Variants in CARMIL1 observed in about 807,000 individuals in gnomAD.
The protein encoded by CARMIL1 is capping protein regulator and myosin 1 linker 1, also known as F-actin-uncapping protein LRRC16A.
A neutral mutation model predicts 177.1 loss-of-function variants in CARMIL1; 90 were observed. The observed-to-expected ratio is 0.51, with a 90% CI of 0.43 to 0.61. The LOEUF (loss-of-function observed/expected upper bound fraction) is 0.61. CARMIL1 is among the 20% of genes least tolerant of loss of function. The pLI, the probability that CARMIL1 is intolerant of heterozygous loss-of-function variation, is 0.00. For synonymous variants in CARMIL1, 577 were observed against 606.2 expected, an observed-to-expected ratio of 0.95 and a Z score of 0.71; for missense variants, 1,380 against 1,667.0, an observed-to-expected ratio of 0.83 and a Z score of 3.00.
chr6:25,598,066 T>A (rs372481487), intron 32 of CARMIL1, among the ~76,000 whole-genome samples: 7 of 152,164 alleles, frequency 4.6e-5, no homozygotes, highest in Admixed American at 6.5e-5. Flanking sequence ...AATTTTATGA[T>A]GATATGTGCC....
At chr6:25,426,797 A>T (rs949006995) in intron 4 of CARMIL1, among the ~76,000 whole-genome samples, 1 of 152,220 alleles carries the variant, frequency 6.6e-6, no homozygotes, top group Non-Finnish European at 1.5e-5. Context: ...CCGGCAGTGT[A>T]AACGTGAGAG....
At chr6:25,487,530 A>G (rs143945312) in intron 12 of CARMIL1, among the ~76,000 whole-genome samples, 4 of 152,352 alleles carry the variant, frequency 2.6e-5, no homozygotes, top group East Asian at 1.9e-4. Flanking sequence ...TCTAAAATAT[A>G]TAATTTGGAA....
At chr6:25,329,650 G>A (rs909498041) in intron 2 of CARMIL1, among the ~76,000 whole-genome samples, 2 of 152,140 alleles carry the variant, frequency 1.3e-5, no homozygotes, top group Non-Finnish European at 2.9e-5. Flanking sequence ...ATGCATCAGG[G>A]ATCTTTTGGA....
chr6:25,553,952 C>T, intron 27 of CARMIL1, 57 bp from the exon 28 acceptor site: 2 of 1,132,134 alleles, frequency 1.8e-6, no homozygotes, highest in South Asian at 2.6e-5. Context: ...AAGGGTGGAT[C>T]ATTTTCCCCT....
At chr6:25,440,508 G>A (rs1045708127) in intron 5 of CARMIL1, among the ~76,000 whole-genome samples, 2 of 152,154 alleles carry the variant, frequency 1.3e-5, no homozygotes, top group African/African-American at 2.4e-5. Flanking sequence ...TGGTTTCTAT[G>A]TTGTGCCTTT....
At chr6:25,304,945 A>T (rs1291269415) in intron 2 of CARMIL1, among the ~76,000 whole-genome samples, 1 of 152,138 alleles carries the variant, frequency 6.6e-6, no homozygotes, top group Admixed American at 6.5e-5. Flanking sequence ...TATCATTTTG[A>T]TGAGGTTAAA....
intron 31 of CARMIL1, among the ~76,000 whole-genome samples, chr6:25,589,409 C>A (rs1814087207): frequency 6.6e-6 from 1 of 152,230 alleles, no homozygotes; most frequent in South Asian, 2.1e-4. Flanking sequence ...AGTCTTGTTA[C>A]TCTGTTCTGA....
intron 29 of CARMIL1, among the ~76,000 whole-genome samples, chr6:25,579,028 A>G (rs1237788184): frequency 1.3e-5 from 2 of 151,898 alleles, no homozygotes; most frequent in Non-Finnish European, 2.9e-5. Context: ...TGACCTATTC[A>G]CAGATGGACA....
intron 4 of CARMIL1, 107 bp from the exon 5 acceptor site, chr6:25,435,376 T>C: frequency 8.0e-7 from 1 of 1,245,042 alleles, no homozygotes; most frequent in East Asian, 2.9e-5. Context: ...AAAGCTAATA[T>C]TGTATTAGTA....
chr6:25,311,782 G>A (rs1483815973), intron 2 of CARMIL1, among the ~76,000 whole-genome samples: 1 of 152,184 alleles, frequency 6.6e-6, no homozygotes, highest in Non-Finnish European at 1.5e-5. Context: ...GCATACCCTT[G>A]TGGGTGTGTC....
At chr6:25,607,932 C>T (rs1270696039) in intron 35 of CARMIL1, among the ~76,000 whole-genome samples, 1 of 152,130 alleles carries the variant, frequency 6.6e-6, no homozygotes, top group African/African-American at 2.4e-5. Context: ...AACTTTTTCC[C>T]AAACCAAAGT....
chr6:25,357,917 C>T (rs1788797591), intron 2 of CARMIL1, among the ~76,000 whole-genome samples: 1 of 152,088 alleles, frequency 6.6e-6, no homozygotes, highest in African/African-American at 2.4e-5. Flanking sequence ...AGTTTGAAAT[C>T]GTACATTTTA....
At chr6:25,608,750 C>T (rs1456754039) in intron 35 of CARMIL1, among the ~76,000 whole-genome samples, 1 of 152,152 alleles carries the variant, frequency 6.6e-6, no homozygotes, top group East Asian at 1.9e-4. Context: ...CACATCCCTG[C>T]TTATTTTGGT....
At chr6:25,452,401 G>A (rs975402957) in intron 8 of CARMIL1, 17 of 594,858 alleles carry the variant, frequency 2.9e-5, no homozygotes, top group South Asian at 2.1e-5. Context: ...AAAATTGCAC[G>A]TGGAATAAGA....
chr6:25,302,269 A>T (rs1782914558), intron 2 of CARMIL1, among the ~76,000 whole-genome samples: 1 of 152,190 alleles, frequency 6.6e-6, no homozygotes. Flanking sequence ...TCTCTGACAC[A>T]AATCAATCCA....
At chr6:25,455,905 G>A (rs926328103) in intron 8 of CARMIL1, among the ~76,000 whole-genome samples, 10 of 152,148 alleles carry the variant, frequency 6.6e-5, no homozygotes, top group African/African-American at 2.4e-4. Flanking sequence ...TGTCTGTGTG[G>A]GAACCCATCA....
chr6:25,435,395 T>G, intron 4 of CARMIL1, 88 bp from the exon 5 acceptor site: 2 of 1,423,162 alleles, frequency 1.4e-6, no homozygotes, highest in Non-Finnish European at 1.9e-6. Context: ...TATATATCTG[T>G]GTGACTATGT....
At chr6:25,409,532 C>T (rs1023075862) in intron 2 of CARMIL1, among the ~76,000 whole-genome samples, 2 of 152,078 alleles carry the variant, frequency 1.3e-5, no homozygotes, top group Admixed American at 6.6e-5. Flanking sequence ...GCTGAGATTT[C>T]GCCTGAAGTG....
At chr6:25,518,074 A>C (rs1806189231) in intron 22 of CARMIL1, among the ~76,000 whole-genome samples, 1 of 152,234 alleles carries the variant, frequency 6.6e-6, no homozygotes, top group Non-Finnish European at 1.5e-5. Flanking sequence ...TTATAGCATT[A>C]AAAATGAGAG....
Sources: allele counts gnomAD v4.1 joint callset (sites outside exome capture counted in the v4.1 genomes callset), GRCh38; gene constraint gnomAD v4.1.1; transcripts MANE v1.5; gene names NCBI Gene and HGNC (gene_info 2026-07-23, HGNC 2026-07-21).